The following POGLUT2 variants were observed in gnomAD, a reference collection of about 807,000 sequenced individuals.
POGLUT2 encodes the protein protein O-glucosyltransferase 2.
Under a neutral mutation model 57.6 loss-of-function variants are expected in POGLUT2, and 47 were observed. That is an observed-to-expected ratio of 0.82 (90% CI 0.65 to 1.04). POGLUT2 has a LOEUF of 1.04. Ranked by LOEUF, POGLUT2 falls within the 50% of genes least tolerant of loss-of-function variation. POGLUT2 has a pLI of 0.00. For missense variants in POGLUT2, 565 were observed against 614.8 expected, an observed-to-expected ratio of 0.92 and a Z score of 0.86; for synonymous variants, 200 against 218.8, an observed-to-expected ratio of 0.91 and a Z score of 0.76.
chr13:102,791,325 T>A lies in POGLUT2; in HGVS notation c.778A>T (p.Thr260Ser), dbSNP rs775062726. Residue 260 changes from threonine to serine, a missense_variant, in exon 5 of 10, where the codon ACA becomes TCA. Coordinates refer to ENST00000376004, the MANE Select transcript of POGLUT2 (RefSeq NM_024089.3). ...IHPIFSWCGS[T>S]DSKDIVMPTY... ...GGCATCACGATATCCTTGGAATCTGTGGAGCCACACCAGGAAAAGATCGGA... is the reference window on the plus strand; with the variant it reads ...GGCATCACGATATCCTTGGAATCTGAGGAGCCACACCAGGAAAAGATCGGA... 43 of 1,612,322 alleles carry A rather than the reference T, an allele frequency of 2.7e-5. No homozygotes were observed. The highest frequency in any genetic ancestry group is 3.5e-5 in the Non-Finnish European group (41 of 1,179,650).
chr13:102,786,027 T>G (rs112958014), intron 9 of POGLUT2, among the ~76,000 whole-genome samples: 2,019 of 152,310 alleles, frequency 0.013, 44 homozygotes, highest in African/African-American at 0.046. Flanking sequence ...GGAGCTACCA[T>G]GTCTTCTCAA....
intron 9 of POGLUT2, among the ~76,000 whole-genome samples, chr13:102,785,928 T>A (rs1373909889): frequency 6.6e-6 from 1 of 152,220 alleles, no homozygotes; most frequent in African/African-American, 2.4e-5. Flanking sequence ...ATGATACACA[T>A]GAAAATATTT....
chr13:102,798,415 G>A, intron 1 of POGLUT2, 74 bp downstream of exon 1: 1 of 1,400,976 alleles, frequency 7.1e-7, no homozygotes, highest in Non-Finnish European at 9.7e-7. Flanking sequence ...CGAGTTCTTG[G>A]AAAGAAAAAT....
intron 4 of POGLUT2, 87 bp from the exon 5 acceptor site, chr13:102,791,517 A>C: frequency 8.2e-7 from 1 of 1,222,976 alleles, no homozygotes. Context: ...AAATTGCATT[A>C]ATGAAAGGCC....
intron 4 of POGLUT2, chr13:102,793,088 T>G: frequency 2.5e-6 from 1 of 392,500 alleles, no homozygotes; most frequent in South Asian, 3.8e-5. Context: ...CACTTTGATT[T>G]TGGACATCTG....
At chr13:102,787,725 A>G (rs564193017) in intron 8 of POGLUT2, 109 bp downstream of exon 8, 25 of 515,766 alleles carry the variant, frequency 4.8e-5, no homozygotes, top group East Asian at 1.2e-4. Flanking sequence ...ACAGAAGTAT[A>G]TATATCTCCC....
intron 6 of POGLUT2, among the ~76,000 whole-genome samples, chr13:102,790,188 T>G (rs1878112810): frequency 6.6e-6 from 1 of 152,236 alleles, no homozygotes. Flanking sequence ...GGTTAACATT[T>G]AGGTCAACCT....
At chr13:102,788,568 C>A (rs1030379446) in intron 7 of POGLUT2, among the ~76,000 whole-genome samples, 2 of 152,090 alleles carry the variant, frequency 1.3e-5, no homozygotes, top group African/African-American at 4.8e-5. Flanking sequence ...CTCACTGCAA[C>A]CTCCGCCTCC....
chr13:102,798,745 T>G lies in POGLUT2; in HGVS notation c.-75A>C. ...GAGGTGGACAGAAGCAGCCGAGCCT[T>G]CGGCAGGGACCCGCCGGCCGATCGC... is the stretch of plus-strand genomic sequence containing the variant. On this transcript the variant is annotated 5_prime_UTR_variant, in exon 1 of 10. Transcript: ENST00000376004. 2 of 1,402,288 alleles carry G rather than the reference T, an allele frequency of 1.4e-6. No individual in the cohort carries two copies. The highest frequency in any genetic ancestry group is 2.6e-5 in the East Asian group (1 of 38,552). 86.9% of individuals were successfully genotyped at this position (1,402,288 alleles called of 1,614,324 possible). A position where few individuals can be genotyped will look rare whatever the true frequency, so the allele number is the denominator to read the frequency against.
At chr13:102,784,591 T>C in intron 9 of POGLUT2, 79 bp from the exon 10 acceptor site, 1 of 905,282 alleles carries the variant, frequency 1.1e-6, no homozygotes. Context: ...GTTAATTATT[T>C]TCCTGTAAAG....
chr13:102,791,180 T>C (rs1878155215), intron 5 of POGLUT2, 42 bp from the exon 6 acceptor site: 1 of 1,608,660 alleles, frequency 6.2e-7, no homozygotes, highest in Non-Finnish European at 8.5e-7. Flanking sequence ...CAAATCATCA[T>C]ATCACAAAGG....
chr13:102,785,092 C>T (rs1254881226), intron 9 of POGLUT2, among the ~76,000 whole-genome samples: 25 of 152,080 alleles, frequency 1.6e-4, no homozygotes, highest in Admixed American at 1.6e-3. Flanking sequence ...CCTCTGAGGG[C>T]CAGTTGGTTA....
chr13:102,786,862 T>A (rs180785108), intron 8 of POGLUT2, among the ~76,000 whole-genome samples: 4 of 152,100 alleles, frequency 2.6e-5, no homozygotes, highest in Non-Finnish European at 5.9e-5. Context: ...TGCTTCCCTC[T>A]ATCAAGGGAA....
Position 102,784,467 on chromosome 13 carries a change from A to C in POGLUT2, c.*28T>G. 1.4e-6 allele frequency: 2 copies of C among 1,434,768 alleles called. No homozygotes were observed. Among genetic ancestry groups the C allele is most frequent in the Non-Finnish European group, 9.7e-7 (1 of 1,026,974 alleles). 88.9% of individuals were successfully genotyped at this position (1,434,768 alleles called of 1,614,324 possible). On this transcript the variant is annotated 3_prime_UTR_variant, in exon 10 of 10. Coordinates refer to ENST00000376004, the MANE Select transcript of POGLUT2 (RefSeq NM_024089.3). ...AGTTAAGAAGAGTCTTCAGAGCACC[A>C]TTATTCTAATAGAAGTTATTTTGCA...
intron 2 of POGLUT2, among the ~76,000 whole-genome samples, chr13:102,796,309 AAAAT>A (rs869279337): frequency 1.7e-3 from 212 of 125,820 alleles, no homozygotes; most frequent in South Asian, 2.5e-3. Context: ...AAAAAAAAAA[AAAAT>A]AAATAAATAA....
chr13:102,787,135 C>T (rs1877979450), intron 8 of POGLUT2, among the ~76,000 whole-genome samples: 1 of 151,978 alleles, frequency 6.6e-6, no homozygotes, highest in Non-Finnish European at 1.5e-5. Context: ...TAACTTCCAC[C>T]TCCCGGGTTC....
intron 4 of POGLUT2, chr13:102,792,116 A>T: frequency 2.3e-6 from 3 of 1,278,492 alleles, no homozygotes; most frequent in Non-Finnish European, 3.1e-6. Flanking sequence ...AGGAGGCTTA[A>T]TATTGATGCT....
In POGLUT2 at chr13:102,791,103, G is replaced by A. The variant is rs199666817; in HGVS notation, c.881C>T (p.Thr294Met). 4.6e-5 allele frequency: 75 copies of A among 1,614,136 alleles called. No homozygotes were observed. The highest frequency in any genetic ancestry group is 5.8e-5 in the Non-Finnish European group (68 of 1,180,006). Residue 294 changes from threonine (T) to methionine (M), a missense_variant, in exon 6 of 10, where the codon ACG becomes ATG. By Grantham distance (81) the Thr-to-Met change is moderately conservative. Transcript: ENST00000376004. ...ATTTTTGCTTTCCCAGGGAGGACCC[G>A]TGTTAGCTTGCACGGACATCATATC... is the stretch of plus-strand genomic sequence containing the variant. ...SLDMMSVQANTGPPWESKNST... is the reference protein window; with the variant it reads ...SLDMMSVQANMGPPWESKNST...
Position 102,789,196 on chromosome 13 carries a change from C to T in POGLUT2, c.1109G>A (p.Gly370Asp). ...TGGCAGGCGATAAGCTGCTACAGTG[C>T]CATCGATATTTATTTGATACTTATG... ...FKHKYQINID[G>D]TVAAYRLPYL... is the part of the protein sequence containing the mutation. Residue 370 changes from glycine to aspartate, a missense_variant, in exon 7 of 10, where the codon GGC (glycine) becomes GAC (aspartate). Coordinates refer to ENST00000376004, the MANE Select transcript of POGLUT2 (RefSeq NM_024089.3). 2 of 1,614,040 alleles carry T rather than the reference C, an allele frequency of 1.2e-6. No homozygotes were observed. The highest frequency in any genetic ancestry group is 2.2e-5 in the South Asian group (2 of 91,080).
Sources: allele counts gnomAD v4.1 joint callset (sites outside exome capture counted in the v4.1 genomes callset), GRCh38; gene constraint gnomAD v4.1.1; transcripts MANE v1.5; gene names NCBI Gene and HGNC (gene_info 2026-07-23, HGNC 2026-07-21).